The following PHLDB3 variants were observed in gnomAD, a reference collection of about 807,000 sequenced individuals.
PHLDB3 encodes pleckstrin homology-like domain family B member 3.
Under a neutral mutation model 85.7 loss-of-function variants are expected in PHLDB3, and 86 were observed. That is an observed-to-expected ratio of 1.00 (90% CI 0.84 to 1.20). The LOEUF is 1.20. Ranked by LOEUF, PHLDB3 falls within the 50% of genes most tolerant of loss-of-function variation. The probability of loss-of-function intolerance (pLI) is 0.00; values close to 1 mark genes in which losing one functional copy is unlikely to be tolerated. For synonymous variants in PHLDB3, 376 were observed against 349.8 expected (o/e 1.07, Z -0.83); for missense variants, 995 against 873.0 (o/e 1.14, Z -1.76).
In PHLDB3 at chr19:43,504,082, G is replaced by C. The variant is rs1237268696; in HGVS notation, c.37C>G (p.Pro13Ala). The change falls in exon 2 of 16, where the codon CCG (proline) becomes GCG (alanine). Residue 13 changes from proline to alanine, a missense_variant. Pro to Ala is a conservative substitution (Grantham distance 27). Transcript: ENST00000292140. ...ACGTCGCATTCCGGGACCAGCGGCG[G>C]CGGGGTCCCCTCCTCGGGGCTGCTT... is the stretch of plus-strand genomic sequence containing the variant. ...TRSSPEEGTP[P>A]PLVPECDVEV... The C allele has an allele frequency of 6.2e-7, 1 of 1,611,642 alleles. No individual in the cohort carries two copies. Among genetic ancestry groups the C allele is most frequent in the South Asian group, 1.1e-5 (1 of 90,756 alleles).
intron 13 of PHLDB3, among the ~76,000 whole-genome samples, chr19:43,480,778 C>T (rs945553025): frequency 6.6e-6 from 1 of 152,120 alleles, no homozygotes; most frequent in African/African-American, 2.4e-5. Flanking sequence ...TTAAGTCACT[C>T]GGCACAAGTC....
At chr19:43,490,436 C>T (rs1287506183) in intron 9 of PHLDB3, among the ~76,000 whole-genome samples, 1 of 151,936 alleles carries the variant, frequency 6.6e-6, no homozygotes, top group Non-Finnish European at 1.5e-5. Context: ...GTCTGTAATC[C>T]CAGCTACTTG....
chr19:43,501,545 G>A, intron 4 of PHLDB3, 189 bp downstream of exon 4: 1 of 1,102,052 alleles, frequency 9.1e-7, no homozygotes, highest in Non-Finnish European at 1.3e-6. Flanking sequence ...CAAAGGAAGA[G>A]CCCCAAAAAT....
chr19:43,478,630 A>AG (rs1335176500), intron 14 of PHLDB3, among the ~76,000 whole-genome samples: 3 of 152,178 alleles, frequency 2.0e-5, no homozygotes, highest in Admixed American at 6.6e-5. Context: ...CAAGCGTCCA[A>AG]GGAGGCTGGG....
chr19:43,490,504 G>C (rs573895732), intron 9 of PHLDB3, among the ~76,000 whole-genome samples: 2 of 152,200 alleles, frequency 1.3e-5, no homozygotes, highest in African/African-American at 4.8e-5. Flanking sequence ...AGTGAGCCAA[G>C]ATCGCACCAT....
At chr19:43,484,017 C>G (rs1971099867) in intron 13 of PHLDB3, among the ~76,000 whole-genome samples, 1 of 151,724 alleles carries the variant, frequency 6.6e-6, no homozygotes. Flanking sequence ...TTTGGGAGGC[C>G]AAAGCGGGTG....
chr19:43,494,021 T>G (rs1474124899), intron 9 of PHLDB3, among the ~76,000 whole-genome samples: 1 of 152,120 alleles, frequency 6.6e-6, no homozygotes, highest in African/African-American at 2.4e-5. Context: ...TTGAGCATTT[T>G]GGATTAGGGA....
rs1443383482 is a variant in PHLDB3, at chr19:43,479,368, T to G, written c.1702+9A>C. ...GTCCTGGGGCCCATGGTGGCCAGGC[T>G]GGGCTTACCCGCATAGTAGGCCAAG... On this transcript the variant is annotated intron_variant, in intron 14 of 15. Transcript: ENST00000292140. 3.2e-6 allele frequency: 5 copies of G among 1,555,254 alleles called. No individual in the cohort carries two copies. Among genetic ancestry groups the G allele is most frequent in the African/African-American group, 1.4e-5 (1 of 73,290 alleles).
At chr19:43,500,925 G>A in intron 4 of PHLDB3, among the ~76,000 whole-genome samples, 1 of 3,274 alleles carries the variant, frequency 3.1e-4, no homozygotes, top group Non-Finnish European at 7.7e-4. Flanking sequence ...CCCCCACCCC[G>A]CAAGTACTGG....
intron 4 of PHLDB3, among the ~76,000 whole-genome samples, chr19:43,500,908 T>TCCCC (rs1568485127): frequency 2.4e-4 from 2 of 8,314 alleles, no homozygotes; most frequent in African/African-American, 4.4e-4. Context: ...CCGCCCCCCG[T>TCCCC]ACCCCCCCCC....
At chr19:43,494,420 T>G (rs1971392819) in intron 9 of PHLDB3, among the ~76,000 whole-genome samples, 1 of 149,176 alleles carries the variant, frequency 6.7e-6, no homozygotes, top group Admixed American at 6.8e-5. Context: ...AGGGGAGACC[T>G]TATTAAAATA....
Position 43,479,384 on chromosome 19 carries a change from G to A in PHLDB3, c.1695C>T (p.Tyr565=). The A allele has an allele frequency of 1.3e-6, 2 of 1,562,374 alleles. No homozygotes were observed. Among genetic ancestry groups the A allele is most frequent in the South Asian group, 1.2e-5 (1 of 84,570 alleles). ...TGGCCAGGCTGGGCTTACCCGCATA[G>A]TAGGCCAAGCGGCGGGCTTGGCGGT... ...CFDRQARRLA[Y]YADKEETKLK... is the part of the protein sequence containing the mutation. The change falls in exon 14 of 16, where the codon TAC becomes TAT. Residue 565 remains tyrosine (Y), a synonymous_variant. Transcript: ENST00000292140.
At chr19:43,504,253 G>A (rs1971699577) in intron 1 of PHLDB3, 121 bp from the exon 2 acceptor site, 4 of 904,478 alleles carry the variant, frequency 4.4e-6, no homozygotes, top group Non-Finnish European at 4.9e-6. Flanking sequence ...GAGTTCAAAG[G>A]ATGGAACTGA....
chr19:43,480,288 AAAAAG>A lies in PHLDB3; in HGVS notation c.1486-700_1486-696del, dbSNP rs1971017904. Among the ~76,000 whole-genome samples the A allele has an allele frequency of 2.7e-5, 4 of 149,626 alleles. No homozygotes were observed. The Admixed American group carries it at 2.7e-4, about 10-fold the overall frequency. On this transcript the variant is annotated intron_variant, in intron 13 of 15. Coordinates refer to ENST00000292140, the MANE Select transcript of PHLDB3 (RefSeq NM_198850.4). ...TTAAAAAAAAAAAAAAAAAAAAAAAAAAAAGGAGAGAGAGAAGAGAAGCTATGTGC... is the reference window on the plus strand; with the variant it reads ...TTAAAAAAAAAAAAAAAAAAAAAAAAGAGAGAGAGAAGAGAAGCTATGTGC...
chr19:43,488,589 A>T (rs558370463), intron 9 of PHLDB3, among the ~76,000 whole-genome samples: 18 of 152,136 alleles, frequency 1.2e-4, no homozygotes, highest in Admixed American at 5.2e-4. Context: ...TGGCTTTTTT[A>T]AAAAAAATCT....
At chr19:43,487,847 A>G (rs1971217854) in intron 9 of PHLDB3, among the ~76,000 whole-genome samples, 1 of 151,994 alleles carries the variant, frequency 6.6e-6, no homozygotes, top group Admixed American at 6.6e-5. Flanking sequence ...GCCTCAATAA[A>G]ACTCTTTCTA....
chr19:43,483,200 AAC>A lies in PHLDB3; in HGVS notation c.1485+3064_1485+3065del, dbSNP rs150214408. 4.0e-3 allele frequency among the ~76,000 whole-genome samples: 615 copies of A among 152,298 alleles called. 3 individuals carry two copies. The highest frequency in any genetic ancestry group is 8.6e-3 in the Admixed American group (132 of 15,286). On this transcript the variant is annotated intron_variant, in intron 13 of 15. Transcript: ENST00000292140. ...TGACTGGTGCATGTGGAAAAGTATAAACACAGATTTGAAGGCTTCTCAGCAGT... is the reference window on the plus strand; with the variant it reads ...TGACTGGTGCATGTGGAAAAGTATAAACAGATTTGAAGGCTTCTCAGCAGT...
At chr19:43,478,800 G>A (rs756015542) in intron 14 of PHLDB3, among the ~76,000 whole-genome samples, 9 of 151,928 alleles carry the variant, frequency 5.9e-5, no homozygotes, top group Non-Finnish European at 1.0e-4. Context: ...CTGTAGTCCC[G>A]CCTATTCAGG....
chr19:43,504,160 CG>C, intron 1 of PHLDB3, 28 bp from the exon 2 acceptor site: 1 of 1,519,474 alleles, frequency 6.6e-7, no homozygotes. Context: ...CCAGAAGCTC[CG>C]GGGGCGGGGC....
Sources: allele counts gnomAD v4.1 joint callset (sites outside exome capture counted in the v4.1 genomes callset), GRCh38; gene constraint gnomAD v4.1.1; transcripts MANE v1.5; gene names NCBI Gene and HGNC (gene_info 2026-07-23, HGNC 2026-07-21).